Variants in RORA observed in about 807,000 individuals in gnomAD.
RORA encodes nuclear receptor ROR-alpha.
Under a neutral mutation model 69.5 loss-of-function variants are expected in RORA, and 7 were observed. That is an observed-to-expected ratio of 0.10 (90% CI 0.06 to 0.19). The LOEUF is 0.19. RORA is among the 10% of genes least tolerant of loss of function. The probability of loss-of-function intolerance (pLI) is 1.00; values close to 1 mark genes in which losing one functional copy is unlikely to be tolerated. For synonymous variants in RORA, 261 were observed against 240.8 expected (o/e 1.08, Z -0.78); for missense variants, 457 against 663.0 (o/e 0.69, Z 3.41).
intron 1 of RORA, among the ~76,000 whole-genome samples, chr15:60,872,049 T>C (rs565348425): frequency 3.9e-5 from 6 of 152,244 alleles, no homozygotes; most frequent in Non-Finnish European, 7.3e-5. Context: ...GATGAACTTA[T>C]GCTTTGGAGA....
At position 60,827,058 on chromosome 15, in the gene RORA, G is replaced by A. The variant is rs533728791; in HGVS notation, c.167-148372C>T. Among the ~76,000 whole-genome samples the A allele has an allele frequency of 2.1e-3, 316 of 152,178 alleles. 18 individuals carry two copies. In the South Asian group the frequency reaches 0.062, roughly 30 times the overall value. ...AGCCCAGTTGAAAAACAATATTAAC[G>A]CCATTTCTACATGTACTGGGTATCA... On this transcript the variant is annotated intron_variant, in intron 1 of 10. Transcript: ENST00000335670.
In RORA at chr15:60,702,933, G is replaced by A. The variant is rs145292892; in HGVS notation, c.167-24247C>T. ...GCAGTGCTGCGGAATATTCCAATAC[G>A]TCCCCTTGACCTCTATCCATAAACA... On this transcript the variant is annotated intron_variant, in intron 1 of 10. Coordinates refer to ENST00000335670, the MANE Select transcript of RORA (RefSeq NM_134261.3). 3.8e-3 allele frequency among the ~76,000 whole-genome samples: 575 copies of A among 152,180 alleles called. 2 individuals carry two copies. Among genetic ancestry groups the A allele is most frequent in the Non-Finnish European group, 6.9e-3 (468 of 68,006 alleles).
chr15:61,107,744 G>C (rs1161694045), intron 1 of RORA, among the ~76,000 whole-genome samples: 1 of 151,850 alleles, frequency 6.6e-6, no homozygotes, highest in African/African-American at 2.4e-5. Context: ...AAAGACATTA[G>C]AAAATGCTTC....
intron 1 of RORA, among the ~76,000 whole-genome samples, chr15:61,199,347 G>A (rs1003073620): frequency 2.6e-5 from 4 of 152,068 alleles, no homozygotes; most frequent in African/African-American, 7.2e-5. Context: ...ATACACGAAC[G>A]AATCCAATTT....
chr15:60,769,673 TC>T, intron 1 of RORA, among the ~76,000 whole-genome samples: 1 of 152,092 alleles, frequency 6.6e-6, no homozygotes, highest in East Asian at 1.9e-4. Context: ...CTCTCTGATG[TC>T]TGATATCCAT....
intron 1 of RORA, among the ~76,000 whole-genome samples, chr15:60,989,435 G>A (rs1894304586): frequency 6.6e-6 from 1 of 152,158 alleles, no homozygotes; most frequent in South Asian, 2.1e-4. Context: ...TCCATTGTAT[G>A]TAAAAACCAC....
At chr15:60,668,290 C>G (rs2070410400) in intron 2 of RORA, among the ~76,000 whole-genome samples, 4 of 152,118 alleles carry the variant, frequency 2.6e-5, no homozygotes, top group African/African-American at 9.7e-5. Flanking sequence ...TAGATTTTGT[C>G]TCCTTAAAAA....
Position 61,061,643 on chromosome 15 carries a change from C to A in RORA, c.166+167410G>T, listed in dbSNP as rs2078188429. ...TAAAAATAATTCAGGTTTACATAAT[C>A]TATCTCTAATTGCAAGAGTTAAGAG... is the stretch of plus-strand genomic sequence containing the variant. On this transcript the variant is annotated intron_variant, in intron 1 of 10. Transcript: ENST00000335670. This position sits in a 1 kb window ranked among gnomAD's most constrained non-coding sequence, Gnocchi z 4.4. 6.6e-6 allele frequency among the ~76,000 whole-genome samples: 1 copy of A among 152,174 alleles called. No individual in the cohort carries two copies. The highest frequency in any genetic ancestry group is 1.5e-5 in the Non-Finnish European group (1 of 68,034).
chr15:60,540,567 C>CG (rs1567071311), intron 2 of RORA, among the ~76,000 whole-genome samples: 6 of 48,046 alleles, frequency 1.2e-4, no homozygotes, highest in Admixed American at 4.4e-4. Context: ...TTCCATGACC[C>CG]CCCCCCCCCA....
At chr15:60,700,468 C>T (rs1209881869) in intron 1 of RORA, among the ~76,000 whole-genome samples, 1 of 152,114 alleles carries the variant, frequency 6.6e-6, no homozygotes, top group Non-Finnish European at 1.5e-5. Context: ...AACAGGAATC[C>T]AAAGGACATT....
At chr15:60,834,149 C>A (rs183846794) in intron 1 of RORA, among the ~76,000 whole-genome samples, 65 of 152,268 alleles carry the variant, frequency 4.3e-4, no homozygotes, top group African/African-American at 1.4e-3. Flanking sequence ...TATAAAACTG[C>A]ATAGAAAAGT....
intron 1 of RORA, among the ~76,000 whole-genome samples, chr15:60,927,314 T>C (rs1038413748): frequency 6.6e-6 from 1 of 152,354 alleles, no homozygotes; most frequent in South Asian, 2.1e-4. Flanking sequence ...AAAGGATGTG[T>C]CCTACTGTCA....
intron 1 of RORA, among the ~76,000 whole-genome samples, chr15:60,893,390 T>G (rs1891132847): frequency 6.6e-6 from 1 of 152,178 alleles, no homozygotes; most frequent in Admixed American, 6.5e-5. Context: ...GAAGAGGGTA[T>G]TAAACATTTT....
chr15:60,570,709 C>G (rs532200123), intron 2 of RORA, among the ~76,000 whole-genome samples: 2 of 152,244 alleles, frequency 1.3e-5, no homozygotes, highest in South Asian at 2.1e-4. Flanking sequence ...TTTCCATGAG[C>G]CTCATCTTGT....
intron 2 of RORA, chr15:60,627,091 G>T (rs1328303366): frequency 2.7e-6 from 2 of 730,890 alleles, no homozygotes; most frequent in Non-Finnish European, 4.5e-6. Flanking sequence ...TGGCTGAAGG[G>T]TAACAGTCCT....
chr15:60,956,816 C>T (rs1893279308), intron 1 of RORA, among the ~76,000 whole-genome samples: 1 of 152,106 alleles, frequency 6.6e-6, no homozygotes, highest in Admixed American at 6.5e-5. Context: ...TCAGTACATA[C>T]CAGTCTATTA....
chr15:60,606,042 C>T (rs2068938411), intron 2 of RORA, among the ~76,000 whole-genome samples: 1 of 152,224 alleles, frequency 6.6e-6, no homozygotes. Context: ...CTTCCCAGAA[C>T]ACGAAATATT....
At chr15:60,886,380 G>C (rs529761706) in intron 1 of RORA, among the ~76,000 whole-genome samples, 1 of 152,290 alleles carries the variant, frequency 6.6e-6, no homozygotes, top group East Asian at 1.9e-4. Flanking sequence ...CAGCTCACGA[G>C]GGCTGAGGCA....
chr15:61,172,742 A>G (rs2140895033), intron 1 of RORA, among the ~76,000 whole-genome samples: 1 of 152,320 alleles, frequency 6.6e-6, no homozygotes, highest in East Asian at 1.9e-4. Flanking sequence ...GCAGTTTTCT[A>G]CTATTTTCCG....
Sources: allele counts gnomAD v4.1 joint callset (sites outside exome capture counted in the v4.1 genomes callset), GRCh38; gene constraint gnomAD v4.1.1; non-coding constraint Gnocchi (gnomAD v3.1); transcripts MANE v1.5; gene names NCBI Gene and HGNC (gene_info 2026-07-23, HGNC 2026-07-21).